The following USP35 variants were observed in gnomAD, a reference collection of about 807,000 sequenced individuals.
USP35 encodes the protein ubiquitin carboxyl-terminal hydrolase 35.
A neutral mutation model predicts 83.8 loss-of-function variants in USP35; 69 were observed. The observed-to-expected ratio is 0.82, with a 90% CI of 0.68 to 1.01. The LOEUF is 1.01. Among genes scored for constraint, USP35 ranks in the 50% least tolerant of loss-of-function variants. USP35 has a pLI of 0.00. For synonymous variants in USP35, 714 were observed against 589.5 expected (o/e 1.21, Z -3.06); for missense variants, 1,503 against 1,362.5 (o/e 1.10, Z -1.62).
At position 78,214,234 on chromosome 11, in the gene USP35, A is replaced by AGAGGG. The variant is rs1275222810; in HGVS notation, c.*422_*423insAGGGG. The AGAGGG allele has an allele frequency of 2.1e-5, 2 of 96,202 alleles. 1 individual carries two copies. Among genetic ancestry groups the AGAGGG allele is most frequent in the African/African-American group, 1.0e-4 (2 of 19,634 alleles). 6.0% of individuals were successfully genotyped at this position (96,202 alleles called of 1,614,324 possible). ...ACAGCAGGATCCAAGCCTTGCACAAAGGGGTGGGGGGGGCAGTGTCTCCTC... is the reference window on the plus strand; with the variant it reads ...ACAGCAGGATCCAAGCCTTGCACAAAGAGGGGGGGTGGGGGGGGCAGTGTCTCCTC... On this transcript the variant is annotated 3_prime_UTR_variant, in exon 11 of 11. Coordinates refer to ENST00000529308, the MANE Select transcript of USP35 (RefSeq NM_020798.4).
At position 78,209,747 on chromosome 11, in the gene USP35, G is replaced by C. The variant is rs1275266962; in HGVS notation, c.1892G>C (p.Ser631Thr). 1 of 1,614,050 alleles carries C rather than the reference G, an allele frequency of 6.2e-7. No individual in the cohort carries two copies. The highest frequency in any genetic ancestry group is 1.7e-5 in the Admixed American group (1 of 60,020). The part of the protein sequence containing the change: ...ITARELPPPT[S>T]AQGPGRVGPR... ...GCCCGGGAGTTGCCCCCACCAACCA[G>C]TGCACAGGGGCCAGGCAGGGTGGGT... Residue 631 changes from serine to threonine, a missense_variant, in exon 10 of 11, where the codon AGT becomes ACT. Ser to Thr is a moderately conservative substitution (Grantham distance 58, BLOSUM62 1). Transcript: ENST00000529308.
intron 6 of USP35, among the ~76,000 whole-genome samples, chr11:78,203,532 C>T (rs1863425227): frequency 6.6e-6 from 1 of 152,106 alleles, no homozygotes; most frequent in Non-Finnish European, 1.5e-5. Context: ...ATCTCAAAGA[C>T]TCAAGTATGT....
At chr11:78,231,610 A>T in the USP35 span, among the ~76,000 whole-genome samples, 1 of 152,054 alleles carries the variant, frequency 6.6e-6, no homozygotes, top group Non-Finnish European at 1.5e-5. Flanking sequence ...AGCCTCCCAA[A>T]GTGCTGGGAT....
chr11:78,236,517 T>G, the USP35 span, among the ~76,000 whole-genome samples: 2 of 152,208 alleles, frequency 1.3e-5, no homozygotes, highest in African/African-American at 2.4e-5. Flanking sequence ...ATAGAAGTGG[T>G]AAGAACAGGT....
chr11:78,233,852 T>A, the USP35 span, among the ~76,000 whole-genome samples: 11 of 152,290 alleles, frequency 7.2e-5, no homozygotes, highest in African/African-American at 2.4e-4. Context: ...GGCCTCAAGT[T>A]ATCTGCCTGC....
the USP35 span, among the ~76,000 whole-genome samples, chr11:78,224,111 G>T: frequency 6.6e-6 from 1 of 152,082 alleles, no homozygotes; most frequent in Non-Finnish European, 1.5e-5. Flanking sequence ...AAAGGAAGCA[G>T]AGTGGGAGAC....
the USP35 span, among the ~76,000 whole-genome samples, chr11:78,228,228 T>A: frequency 5.9e-5 from 9 of 152,230 alleles, no homozygotes; most frequent in Non-Finnish European, 1.3e-4. Context: ...TTCCAGGTTC[T>A]CTGTAAGTGC....
the USP35 span, among the ~76,000 whole-genome samples, chr11:78,225,650 A>G: frequency 6.6e-6 from 1 of 152,250 alleles, no homozygotes; most frequent in Non-Finnish European, 1.5e-5. Flanking sequence ...ATGACTGCTC[A>G]AATTGTCGAT....
rs945074550 is a variant in USP35, at chr11:78,209,497, C to G, written c.1642C>G (p.Gln548Glu). 6.2e-7 allele frequency: 1 copy of G among 1,613,162 alleles called. No individual in the cohort carries two copies. The highest frequency in any genetic ancestry group is 8.5e-7 in the Non-Finnish European group (1 of 1,179,546). Reference sequence around the variant, plus strand: ...CACAAGGATCTGCCAGAAACTCAAGCAGTCCAGCTCGCCCTCTCCGCCCGA... The same window carrying G: ...CACAAGGATCTGCCAGAAACTCAAGGAGTCCAGCTCGCCCTCTCCGCCCGA... The part of the protein sequence containing the change: ...TGTRICQKLK[Q>E]SSSPSPPEEP... Residue 548 changes from glutamine (Q) to glutamate (E), a missense_variant, in exon 10 of 11, where the codon CAG becomes GAG. Coordinates refer to ENST00000529308, the MANE Select transcript of USP35 (RefSeq NM_020798.4).
the USP35 span, chr11:78,227,030 G>A: frequency 6.2e-7 from 1 of 1,611,076 alleles, no homozygotes; most frequent in African/African-American, 1.3e-5. Flanking sequence ...AGGCTCTGGT[G>A]CCCTGAGAGA....
At chr11:78,199,368 C>T in intron 3 of USP35, 1 of 576,080 alleles carries the variant, frequency 1.7e-6, no homozygotes, top group Non-Finnish European at 3.0e-6. Flanking sequence ...GCTGAGAGGG[C>T]CTGGCTCCCT....
the USP35 span, chr11:78,226,911 G>A: frequency 5.6e-6 from 9 of 1,613,864 alleles, no homozygotes; most frequent in Middle Eastern, 1.6e-4. Flanking sequence ...GTGCCGGCTC[G>A]GCTTGGGAAG....
intron 6 of USP35, among the ~76,000 whole-genome samples, chr11:78,202,671 C>T (rs1226665927): frequency 1.3e-5 from 2 of 152,142 alleles, no homozygotes; most frequent in African/African-American, 2.4e-5. Flanking sequence ...AAACTTAACA[C>T]GAGAAAGAAC....
chr11:78,213,687 T>TGCACTCCCCACATCTCC lies in USP35; in HGVS notation c.2937_2953dup (p.Trp985SerfsTer48), dbSNP rs762002250. 4 of 1,521,944 alleles carry TGCACTCCCCACATCTCC rather than the reference T, an allele frequency of 2.6e-6. No homozygotes were observed. Among genetic ancestry groups the TGCACTCCCCACATCTCC allele is most frequent in the Middle Eastern group, 1.7e-4 (1 of 5,792 alleles). The allele number at this position is 1,521,944 out of a possible 1,614,324, so 94.3% of individuals were successfully genotyped here. A position where few individuals can be genotyped will look rare whatever the true frequency, so the allele number is the denominator to read the frequency against. On this transcript the variant is annotated frameshift_variant, in exon 11 of 11. Transcript: ENST00000529308. LOFTEE classifies it high-confidence loss of function. ...CCCGGAGCAGGGCGGCCTACATCTCTGCACTCCCCACATCTCCGCACTGGG... is the reference window on the plus strand; with the variant it reads ...CCCGGAGCAGGGCGGCCTACATCTCTGCACTCCCCACATCTCCGCACTCCCCACATCTCCGCACTGGG...
Position 78,196,421 on chromosome 11 carries a change from G to A in USP35, c.176G>A (p.Arg59His). 1 of 1,293,802 alleles carries A rather than the reference G, an allele frequency of 7.7e-7. No individual in the cohort carries two copies. The highest frequency in any genetic ancestry group is 1.6e-5 in the African/African-American group (1 of 63,218). The allele number at this position is 1,293,802 out of a possible 1,614,324, so 80.1% of individuals were successfully genotyped here. ...YVGGAEELPR[R>H]VGCQLLHVAG... The stretch of plus-strand genomic sequence containing the variant: ...GGCGGCGCGGAGGAGCTGCCGCGCC[G>A]CGTGGGCTGCCAGCTGCTGCACGTG... The change falls in exon 2 of 11, where the codon CGC becomes CAC. Residue 59 changes from arginine to histidine, a missense_variant. Physicochemically the swap from Arg to His is conservative, Grantham distance 29. Transcript: ENST00000529308. The surrounding 1 kb of genome is among the most constrained non-coding windows in gnomAD (Gnocchi z 4.8).
the USP35 span, among the ~76,000 whole-genome samples, chr11:78,233,444 C>A: frequency 6.6e-6 from 1 of 152,144 alleles, no homozygotes; most frequent in Non-Finnish European, 1.5e-5. Flanking sequence ...GGTTACTGGA[C>A]ATTCCTATAT....
In USP35 at chr11:78,210,671, G is replaced by T. The variant is rs767208592; in HGVS notation, c.2816G>T (p.Arg939Ile). ...EGPEAELGSS[R>I]VRTEPTLHKD... ...CCCGAGGCTGAGTTGGGCTCTTCTA[G>T]AGTCCGGACAGAGCCCACCCTGCAC... Residue 939 changes from arginine to isoleucine, a missense_variant, in exon 10 of 11, where the codon AGA (arginine) becomes ATA (isoleucine). Physicochemically the swap from Arg to Ile is moderately conservative, Grantham distance 97 (BLOSUM62 -3). Transcript: ENST00000529308. 1 of 1,612,232 alleles carries T rather than the reference G, an allele frequency of 6.2e-7. No individual in the cohort carries two copies. The highest frequency in any genetic ancestry group is 1.1e-5 in the South Asian group (1 of 90,878).
intron 6 of USP35, among the ~76,000 whole-genome samples, chr11:78,204,745 C>T (rs1216834284): frequency 2.0e-5 from 3 of 152,136 alleles, no homozygotes; most frequent in Non-Finnish European, 2.9e-5. Flanking sequence ...TCTGTCTTCC[C>T]GCTGGCATCT....
At chr11:78,207,490 G>A in intron 7 of USP35, 40 bp from the exon 8 acceptor site, 1 of 1,596,946 alleles carries the variant, frequency 6.3e-7, no homozygotes, top group Non-Finnish European at 8.6e-7. Context: ...CTCCTTGGGG[G>A]CCCATGGCTT....
Sources: gnomAD v4.1 joint callset for allele counts (sites outside exome capture counted in the v4.1 genomes callset) on GRCh38, gnomAD v4.1.1 for gene constraint, Gnocchi (gnomAD v3.1) non-coding constraint, MANE v1.5 for transcripts, NCBI Gene and HGNC (gene_info 2026-07-23, HGNC 2026-07-21) for gene names.